Variants in GUCY2F observed in about 807,000 individuals in gnomAD.
The protein encoded by GUCY2F is guanylate cyclase 2F, retinal.
Under a neutral mutation model 73.1 loss-of-function variants are expected in GUCY2F, and 61 were observed. That is an observed-to-expected ratio of 0.83 (90% CI 0.68 to 1.03). The LOEUF (loss-of-function observed/expected upper bound fraction) is 1.03. Among genes scored for constraint, GUCY2F ranks in the 50% least tolerant of loss-of-function variants. GUCY2F has a pLI of 0.00. For synonymous variants in GUCY2F, 331 were observed against 307.8 expected (o/e 1.08, Z -0.79); for missense variants, 912 against 854.3 (o/e 1.07, Z -0.84).
At chrX:109,430,112 G>A (rs1399899657) in intron 8 of GUCY2F, among the ~76,000 whole-genome samples, 195 bp downstream of exon 8, 1 of 111,873 alleles carries the variant, frequency 8.9e-6, no homozygotes, top group Non-Finnish European at 1.9e-5. Context: ...GCCGAGATTT[G>A]AGTGCTTCAT....
intron 15 of GUCY2F, among the ~76,000 whole-genome samples, chrX:109,385,885 A>T (rs1930424523): frequency 8.9e-6 from 1 of 112,163 alleles, no homozygotes; most frequent in South Asian, 3.7e-4. Context: ...GTAATTGAGA[A>T]AACTTCAGCA....
chrX:109,447,737 C>T (rs904331127), intron 6 of GUCY2F, among the ~76,000 whole-genome samples: 6 of 109,184 alleles, frequency 5.5e-5, no homozygotes, highest in African/African-American at 3.3e-5. Context: ...AACAAACCTG[C>T]ACGTTATGCA....
rs1004600886 is a variant in GUCY2F at position 109,459,968 on chromosome X, A to C, written c.1032+5174T>G. The stretch of plus-strand genomic sequence containing the variant: ...TGAGTACCTCAAGAAAATAGGAAAA[A>C]TACTATATTGATAACAACAAGAATG... On this transcript the variant is annotated intron_variant, in intron 3 of 19. Coordinates refer to ENST00000218006, the MANE Select transcript of GUCY2F (RefSeq NM_001522.3). Among the ~76,000 whole-genome samples, 3 of 112,031 alleles carry C rather than the reference A, an allele frequency of 2.7e-5. No homozygotes were observed. The Admixed American group carries it at 2.8e-4, about 11-fold the overall frequency.
At chrX:109,426,524 G>A (rs1931491213) in intron 8 of GUCY2F, among the ~76,000 whole-genome samples, 2 of 112,100 alleles carry the variant, frequency 1.8e-5, no homozygotes, top group South Asian at 3.7e-4. Context: ...GAGTAACTGG[G>A]ACTACAGGCA....
In GUCY2F at chrX:109,477,794, T is replaced by A. The variant is rs142831114; in HGVS notation, c.-85-1773A>T. Among the ~76,000 whole-genome samples the A allele has an allele frequency of 9.7e-3, 1,092 of 112,288 alleles. 15 individuals are homozygous for A. The highest frequency in any genetic ancestry group is 0.034 in the African/African-American group (1,037 of 30,883). ...ATTCTGTCTGTGCCAGCCCTGTTGG[T>A]TATTATCTTGACTCTCACTCCTAAT... On this transcript the variant is annotated intron_variant, in intron 1 of 19. Transcript: ENST00000218006.
chrX:109,437,606 C>T (rs1931781373), intron 7 of GUCY2F, among the ~76,000 whole-genome samples: 1 of 112,691 alleles, frequency 8.9e-6, no homozygotes, highest in Non-Finnish European at 1.9e-5. Context: ...TCAACCCAGG[C>T]TGCACATATC....
At chrX:109,428,316 A>T (rs759884193) in intron 8 of GUCY2F, among the ~76,000 whole-genome samples, 2 of 112,360 alleles carry the variant, frequency 1.8e-5, no homozygotes, top group Non-Finnish European at 3.8e-5. Flanking sequence ...GATGATCAAC[A>T]TCATCCTGAT....
rs773606162 is a variant in GUCY2F, at chrX:109,419,884, G to T, written c.1791+10423C>A. Among the ~76,000 whole-genome samples the T allele has an allele frequency of 7.5e-3, 815 of 108,996 alleles. 8 individuals are homozygous for T. The highest frequency in any genetic ancestry group is 0.025 in the African/African-American group (761 of 30,219). The allele number at this position is 108,996 out of a possible 115,157, so 94.6% of individuals were successfully genotyped here. The stretch of plus-strand genomic sequence containing the variant: ...GTCCAAAACAATCTTGAAAAAAAAA[G>T]TTAGAGGCTTACACCACTTGACTTT... On this transcript the variant is annotated intron_variant, in intron 8 of 19. Coordinates refer to ENST00000218006, the MANE Select transcript of GUCY2F (RefSeq NM_001522.3).
intron 5 of GUCY2F, 81 bp from the exon 6 acceptor site, chrX:109,448,246 C>A (rs1170729488): frequency 5.9e-6 from 3 of 511,223 alleles, no homozygotes; most frequent in Non-Finnish European, 1.0e-5. Context: ...TAAGATAGCA[C>A]TTAAAGAATA....
chrX:109,450,691 C>A (rs1229500775), intron 5 of GUCY2F, among the ~76,000 whole-genome samples: 2 of 112,387 alleles, frequency 1.8e-5, no homozygotes, highest in Middle Eastern at 4.2e-3. Context: ...GTGTCTTTAT[C>A]AAGTGTTTTA....
intron 2 of GUCY2F, among the ~76,000 whole-genome samples, chrX:109,468,078 C>T (rs1025557867): frequency 2.7e-5 from 3 of 111,545 alleles, no homozygotes; most frequent in African/African-American, 9.8e-5. Flanking sequence ...TCAGTTCTCT[C>T]TGCCCAATCC....
chrX:109,464,149 C>T (rs1386303048), intron 3 of GUCY2F, among the ~76,000 whole-genome samples: 3 of 111,506 alleles, frequency 2.7e-5, no homozygotes, highest in Non-Finnish European at 5.7e-5. Context: ...TGTACAGAAA[C>T]GTCCCTCTGT....
intron 8 of GUCY2F, among the ~76,000 whole-genome samples, chrX:109,424,014 A>T (rs1205729342): frequency 8.9e-6 from 1 of 112,258 alleles, no homozygotes; most frequent in Non-Finnish European, 1.9e-5. Context: ...ATTAAGAAAA[A>T]AACATAAATT....
chrX:109,438,147 G>A (rs761131580), intron 7 of GUCY2F, among the ~76,000 whole-genome samples: 6 of 112,315 alleles, frequency 5.3e-5, no homozygotes, highest in Non-Finnish European at 9.4e-5. Flanking sequence ...ATTTCTCACA[G>A]TTCTGGAGGC....
intron 12 of GUCY2F, 117 bp downstream of exon 12, chrX:109,395,224 T>C: frequency 1.8e-6 from 1 of 560,693 alleles, no homozygotes; most frequent in Middle Eastern, 5.5e-4. Context: ...CCAAGAGGAG[T>C]GCCCTTACCC....
chrX:109,409,130 C>T lies in GUCY2F; in HGVS notation c.1830G>A (p.Leu610=). 8.9e-7 allele frequency: 1 copy of T among 1,126,558 alleles called. No homozygotes were observed. Among genetic ancestry groups the T allele is most frequent in the Non-Finnish European group, 1.2e-6 (1 of 819,075 alleles). 92.8% of individuals were successfully genotyped at this position (1,126,558 alleles called of 1,213,427 possible). Residue 610 remains leucine, a synonymous_variant, in exon 9 of 20, where the codon TTG becomes TTA. Transcript: ENST00000218006. ...ACATCCCCGAATCATAGAAGAAACC[C>T]AATAAAGGGTTAATATTCTCATGAC... ...DLRHENINPL[L]GFFYDSGMFA... is the part of the protein sequence containing the mutation.
chrX:109,474,856 G>T (rs937354016), intron 2 of GUCY2F, among the ~76,000 whole-genome samples: 4 of 111,600 alleles, frequency 3.6e-5, no homozygotes. Context: ...GAAGACCCGC[G>T]CCTCCCCATA....
At chrX:109,455,779 T>A (rs1394503956) in intron 3 of GUCY2F, among the ~76,000 whole-genome samples, 2 of 111,486 alleles carry the variant, frequency 1.8e-5, no homozygotes, top group Non-Finnish European at 3.8e-5. Flanking sequence ...AACTCTCAGA[T>A]TCATACTTCC....
intron 9 of GUCY2F, 112 bp from the exon 10 acceptor site, chrX:109,404,596 T>C (rs907092838): frequency 3.8e-6 from 2 of 527,017 alleles, no homozygotes; most frequent in Non-Finnish European, 6.2e-6. Context: ...AGAACTCAGC[T>C]TTTTTCTCTT....
Sources: gnomAD v4.1 joint callset for allele counts (sites outside exome capture counted in the v4.1 genomes callset) on GRCh38, gnomAD v4.1.1 for gene constraint, MANE v1.5 for transcripts, NCBI Gene and HGNC (gene_info 2026-07-23, HGNC 2026-07-21) for gene names.